Variants in PPIL3 observed in about 807,000 individuals in gnomAD.
The protein encoded by PPIL3 is peptidylprolyl isomerase like 3.
PPIL3 carries 13 observed loss-of-function variants against 20.9 expected under a neutral mutation model. The observed-to-expected ratio is 0.62, with a 90% CI of 0.40 to 0.99. The LOEUF (loss-of-function observed/expected upper bound fraction) is 0.99, where lower values mean the gene tolerates loss of function less well. Among genes scored for constraint, PPIL3 ranks in the 50% least tolerant of loss-of-function variants. PPIL3 has a pLI of 0.00. For missense variants in PPIL3, 170 were observed against 195.2 expected, an observed-to-expected ratio of 0.87 and a Z score of 0.77; for synonymous variants, 71 against 64.4, an observed-to-expected ratio of 1.10 and a Z score of -0.49.
intron 6 of PPIL3, among the ~76,000 whole-genome samples, chr2:200,875,394 A>G (rs532600137): frequency 6.6e-6 from 1 of 151,916 alleles, no homozygotes; most frequent in South Asian, 2.1e-4. Flanking sequence ...CAGCTTCCTG[A>G]GTAGCTGGAA....
At chr2:200,884,259 G>A (rs2039848355) in intron 3 of PPIL3, among the ~76,000 whole-genome samples, 2 of 152,042 alleles carry the variant, frequency 1.3e-5, no homozygotes, top group Admixed American at 6.6e-5. Flanking sequence ...AAAATTAGCT[G>A]GGCATGGTGG....
intron 6 of PPIL3, among the ~76,000 whole-genome samples, chr2:200,873,061 G>A (rs1248561906): frequency 1.3e-5 from 2 of 152,084 alleles, no homozygotes; most frequent in Admixed American, 1.3e-4. Context: ...TAGTAGAGAC[G>A]GAGTTTCAGC....
chr2:200,877,210 C>G (rs893543166), intron 5 of PPIL3, among the ~76,000 whole-genome samples, 173 bp from the exon 6 acceptor site: 1 of 152,100 alleles, frequency 6.6e-6, no homozygotes, highest in Non-Finnish European at 1.5e-5. Flanking sequence ...ATCCTCCTGC[C>G]TTAGCTTCCA....
chr2:200,880,409 CTT>C (rs779189285), intron 5 of PPIL3, among the ~76,000 whole-genome samples: 14 of 131,780 alleles, frequency 1.1e-4, no homozygotes, highest in Admixed American at 3.0e-4. Flanking sequence ...ATTGAGTAGA[CTT>C]TTTTTTTTTT....
At chr2:200,882,582 A>G (rs918908697) in intron 3 of PPIL3, 147 bp from the exon 4 acceptor site, 7 of 647,590 alleles carry the variant, frequency 1.1e-5, no homozygotes, top group African/African-American at 1.8e-5. Context: ...TGCCTACAAC[A>G]CTTCAATAGC....
At chr2:200,889,176 G>C (rs997343358), upstream of PPIL3, 5 of 393,024 alleles carry the variant, frequency 1.3e-5, no homozygotes, top group Admixed American at 6.2e-5. Flanking sequence ...TCCCCAACCG[G>C]AAATTTGACA....
Position 200,875,421 on chromosome 2 carries a change from C to G in PPIL3, c.359+1498G>C, listed in dbSNP as rs566794391. 3.9e-5 allele frequency among the ~76,000 whole-genome samples: 6 copies of G among 152,254 alleles called. No individual in the cohort carries two copies. In the South Asian group the frequency reaches 1.2e-3, roughly 32 times the overall value. ...TAGCTGGAATTACAGGCACGCACCA[C>G]CGCACCCAGCTAATTTTTGTATTTT... On this transcript the variant is annotated intron_variant, in intron 6 of 6. Coordinates refer to ENST00000392283, the MANE Select transcript of PPIL3 (RefSeq NM_130906.3).
chr2:200,874,073 C>T (rs1001511209), intron 6 of PPIL3, among the ~76,000 whole-genome samples: 10 of 151,424 alleles, frequency 6.6e-5, no homozygotes, highest in East Asian at 2.0e-4. Flanking sequence ...GGCGCGGTGG[C>T]GGGCGCCTGT....
chr2:200,876,604 G>T (rs928521763), intron 6 of PPIL3, among the ~76,000 whole-genome samples: 4 of 148,334 alleles, frequency 2.7e-5, no homozygotes, highest in Non-Finnish European at 5.9e-5. Flanking sequence ...TGTAACTTCC[G>T]CCTCCCAGGT....
chr2:200,875,521 C>T (rs2039478899), intron 6 of PPIL3, among the ~76,000 whole-genome samples: 1 of 151,654 alleles, frequency 6.6e-6, no homozygotes, highest in South Asian at 2.1e-4. Flanking sequence ...CCTCCTTGGC[C>T]TCCCAAAGTG....
intron 6 of PPIL3, among the ~76,000 whole-genome samples, chr2:200,875,355 C>A (rs1223954709): frequency 6.6e-6 from 1 of 152,032 alleles, no homozygotes; most frequent in Admixed American, 6.6e-5. Flanking sequence ...GCAATCTCCA[C>A]CTCCAGGGTT....
At position 200,880,119 on chromosome 2, in the gene PPIL3, C is replaced by T. The variant is rs533175059; in HGVS notation, c.240+1302G>A. Among the ~76,000 whole-genome samples, 64 of 152,194 alleles carry T rather than the reference C, an allele frequency of 4.2e-4. No homozygotes were observed. In the Middle Eastern group the frequency reaches 0.02, roughly 49 times the overall value. On this transcript the variant is annotated intron_variant, in intron 5 of 6. Transcript: ENST00000392283. ...AACATTAGCCAGGCATGGTGACATG[C>T]ACCTGTAGTCCCAGCTACTCTGGAG...
At chr2:200,876,155 T>C (rs2039506893) in intron 6 of PPIL3, among the ~76,000 whole-genome samples, 1 of 151,534 alleles carries the variant, frequency 6.6e-6, no homozygotes, top group Non-Finnish European at 1.5e-5. Context: ...TTTTTTTTTT[T>C]TTAAAGTAGC....
At chr2:200,883,114 T>TTTA (rs2039797504) in intron 3 of PPIL3, among the ~76,000 whole-genome samples, 1 of 138,042 alleles carries the variant, frequency 7.2e-6, no homozygotes, top group Non-Finnish European at 1.6e-5. Flanking sequence ...GGAATGTTCT[T>TTTA]TTTTTTTTTT....
chr2:200,871,613 T>C, intron 6 of PPIL3, 92 bp from the exon 7 acceptor site: 2 of 1,156,896 alleles, frequency 1.7e-6, no homozygotes, highest in Non-Finnish European at 2.4e-6. Context: ...TAAAAAATAA[T>C]CAAGTCTTAC....
intron 5 of PPIL3, among the ~76,000 whole-genome samples, chr2:200,877,837 C>T (rs2039579721): frequency 6.6e-6 from 1 of 152,162 alleles, no homozygotes; most frequent in Admixed American, 6.5e-5. Context: ...CAGTTTATAA[C>T]CCCAGGACTG....
chr2:200,873,339 G>T (rs1464218273), intron 6 of PPIL3, among the ~76,000 whole-genome samples: 1 of 151,708 alleles, frequency 6.6e-6, no homozygotes, highest in Non-Finnish European at 1.5e-5. Flanking sequence ...ACAGGCACAT[G>T]CCCCCATGCC....
At chr2:200,874,917 CG>C (rs1384966409) in intron 6 of PPIL3, among the ~76,000 whole-genome samples, 2 of 152,194 alleles carry the variant, frequency 1.3e-5, no homozygotes, top group Non-Finnish European at 2.9e-5. Flanking sequence ...TTTGTAGAGA[CG>C]GGGTTTCACT....
chr2:200,886,508 C>T (rs1021027697), intron 2 of PPIL3, among the ~76,000 whole-genome samples: 3 of 151,682 alleles, frequency 2.0e-5, no homozygotes, highest in South Asian at 4.1e-4. Flanking sequence ...TCACTACAAT[C>T]TCCACCTCCT....
Sources: gnomAD v4.1 joint callset for allele counts (sites outside exome capture counted in the v4.1 genomes callset) on GRCh38, gnomAD v4.1.1 for gene constraint, MANE v1.5 for transcripts, NCBI Gene and HGNC (gene_info 2026-07-23, HGNC 2026-07-21) for gene names.